Variants in GRM6 observed in about 807,000 individuals in gnomAD.
GRM6 encodes glutamate metabotropic receptor 6, also known as metabotropic glutamate receptor 6.
GRM6 carries 73 observed loss-of-function variants against 78.4 expected under a neutral mutation model. The ratio of observed to expected loss-of-function variants is 0.93; its 90% confidence interval spans 0.77 to 1.13. The LOEUF is 1.13. Ranked by LOEUF, GRM6 falls within the 50% of genes most tolerant of loss-of-function variation. GRM6 has a pLI of 0.00. For missense variants in GRM6, 1,251 were observed against 1,256.4 expected (o/e 1.00, Z 0.07); for synonymous variants, 580 against 555.0 (o/e 1.05, Z -0.63).
chr5:178,980,245 A>T lies in GRM6; in HGVS notation c.*1412T>A, dbSNP rs1317565355. On this transcript the variant is annotated 3_prime_UTR_variant, in exon 11 of 11. Transcript: ENST00000517717. This position sits in a 1 kb window ranked among gnomAD's most constrained non-coding sequence, Gnocchi z 4.3. ...TAGAGAATGTATACTGATCTTAAAC[A>T]GTGGTCAATTTAACAAATGTAAATT... 6.8e-6 allele frequency: 1 copy of T among 146,782 alleles called. No individual in the cohort carries two copies. 9.1% of individuals were successfully genotyped at this position (146,782 alleles called of 1,614,324 possible). A position where few individuals can be genotyped will look rare whatever the true frequency, so the allele number is the denominator to read the frequency against.
At position 178,991,799 on chromosome 5, in the gene GRM6, C is replaced by T. The variant is rs1760680258; in HGVS notation, c.721+68G>A. 2 of 1,373,150 alleles carry T rather than the reference C, an allele frequency of 1.5e-6. No individual in the cohort carries two copies. Among genetic ancestry groups the T allele is most frequent in the Non-Finnish European group, 2.1e-6 (2 of 970,808 alleles). The allele number at this position is 1,373,150 out of a possible 1,614,324, so 85.1% of individuals were successfully genotyped here. A position where few individuals can be genotyped will look rare whatever the true frequency, so the allele number is the denominator to read the frequency against. On this transcript the variant is annotated intron_variant, in intron 3 of 10. Transcript: ENST00000517717. The surrounding 1 kb of genome is among the most constrained non-coding windows in gnomAD (Gnocchi z 5.0). ...ACCTGGGCCCCCCATCTTTCTGCTTCTGCCCCAACTGAGGGCCCCGGGCCC... is the reference window on the plus strand; with the variant it reads ...ACCTGGGCCCCCCATCTTTCTGCTTTTGCCCCAACTGAGGGCCCCGGGCCC...
In GRM6 at chr5:178,986,997, C is replaced by A. The variant is rs1200264989; in HGVS notation, c.1355-14G>T. Reference sequence around the variant, plus strand: ...TTCCTGCGCTGCCTGGAGAGAGAGTCCGTCATCCTCGGTGGTCCTCCAGCC... The same window carrying A: ...TTCCTGCGCTGCCTGGAGAGAGAGTACGTCATCCTCGGTGGTCCTCCAGCC... On this transcript the variant is annotated splice_polypyrimidine_tract_variant and intron_variant, in intron 7 of 10. Coordinates refer to ENST00000517717, the MANE Select transcript of GRM6 (RefSeq NM_000843.4). 6.2e-7 allele frequency: 1 copy of A among 1,611,994 alleles called. No homozygotes were observed. The highest frequency in any genetic ancestry group is 8.5e-7 in the Non-Finnish European group (1 of 1,179,140).
intron 9 of GRM6, among the ~76,000 whole-genome samples, chr5:178,985,469 C>A (rs112096413): frequency 8.6e-5 from 13 of 151,324 alleles, no homozygotes; most frequent in Admixed American, 3.3e-4. Flanking sequence ...TTTGGGAGGC[C>A]GAGGTGGGCG....
In GRM6 at chr5:178,986,367, G is replaced by A. The variant is rs62638216; in HGVS notation, c.1887C>T (p.Thr629=). Residue 629 remains threonine, a synonymous_variant, in exon 9 of 11, where the codon ACC becomes ACT. Coordinates refer to ENST00000517717, the MANE Select transcript of GRM6 (RefSeq NM_000843.4). The part of the protein sequence containing the change: ...SGRELSYVLL[T]GIFLIYAITF... Reference sequence around the variant, plus strand: ...TGATGGCGTAGATGAGGAAGATGCCGGTGAGGAGGACGTAGCTGAGCTCTC... The same window carrying A: ...TGATGGCGTAGATGAGGAAGATGCCAGTGAGGAGGACGTAGCTGAGCTCTC... 2.5e-4 allele frequency: 397 copies of A among 1,614,100 alleles called. 2 individuals are homozygous for A. The highest frequency in any genetic ancestry group is 8.8e-4 in the South Asian group (80 of 91,086).
rs1196615449 is a variant in GRM6, at chr5:178,986,332, A to C, written c.1922T>G (p.Met641Arg). 1 of 1,614,148 alleles carries C rather than the reference A, an allele frequency of 6.2e-7. No individual in the cohort carries two copies. The highest frequency in any genetic ancestry group is 2.2e-5 in the East Asian group (1 of 44,874). Residue 641 changes from methionine (M) to arginine (R), a missense_variant, in exon 9 of 11, where the codon ATG becomes AGG. Met to Arg is a moderately conservative substitution (Grantham distance 91, BLOSUM62 -1). Coordinates refer to ENST00000517717, the MANE Select transcript of GRM6 (RefSeq NM_000843.4). ...IFLIYAITFL[M>R]VAEPGAAVCA... The stretch of plus-strand genomic sequence containing the variant: ...GACCGCGGCCCCAGGCTCAGCCACC[A>C]TGAGGAAGGTGATGGCGTAGATGAG...
At chr5:178,993,326 G>A (rs1048127717) in intron 2 of GRM6, among the ~76,000 whole-genome samples, 3 of 152,134 alleles carry the variant, frequency 2.0e-5, no homozygotes, top group Non-Finnish European at 2.9e-5. Flanking sequence ...TCGACCTAGA[G>A]GACAGAGACA....
chr5:178,982,745 C>T lies in GRM6; in HGVS notation c.2436+165G>A, dbSNP rs1760423443. The T allele has an allele frequency of 4.8e-6, 3 of 622,376 alleles. No homozygotes were observed. In the East Asian group the frequency reaches 8.3e-5, roughly 17 times the overall value. 38.6% of individuals were successfully genotyped at this position (622,376 alleles called of 1,614,324 possible). A position where few individuals can be genotyped will look rare whatever the true frequency, so the allele number is the denominator to read the frequency against. ...GGAAGTTAAGAAGAGGGGTTAGAAG[C>T]TTGGAAAAGTGAATGAATGAACAAA... On this transcript the variant is annotated intron_variant, in intron 10 of 10. Transcript: ENST00000517717.
Position 178,992,162 on chromosome 5 carries a change from A to G in GRM6, c.505-79T>C, listed in dbSNP as rs903073855. 1 of 931,660 alleles carries G rather than the reference A, an allele frequency of 1.1e-6. No homozygotes were observed. Among genetic ancestry groups the G allele is most frequent in the Non-Finnish European group, 1.7e-6 (1 of 583,644 alleles). The allele number at this position is 931,660 out of a possible 1,614,324, so 57.7% of individuals were successfully genotyped here. On this transcript the variant is annotated intron_variant, in intron 2 of 10. Coordinates refer to ENST00000517717, the MANE Select transcript of GRM6 (RefSeq NM_000843.4). The surrounding 1 kb of genome is among the most constrained non-coding windows in gnomAD (Gnocchi z 4.9). ...AGGGAGGGTAAGGGGGGCCCAGGACACGGACGGGGCACAGAAGGTGTGTGG... is the reference window on the plus strand; with the variant it reads ...AGGGAGGGTAAGGGGGGCCCAGGACGCGGACGGGGCACAGAAGGTGTGTGG...
At chr5:178,985,460 T>C (rs1188421223) in intron 9 of GRM6, among the ~76,000 whole-genome samples, 1 of 150,852 alleles carries the variant, frequency 6.6e-6, no homozygotes, top group African/African-American at 2.4e-5. Flanking sequence ...TCCCAGCACT[T>C]TGGGAGGCCG....
Position 178,994,593 on chromosome 5 carries a change from G to T in GRM6, c.352C>A (p.Arg118Ser), listed in dbSNP as rs62638201. 2,602 of 1,354,728 alleles carry T rather than the reference G, an allele frequency of 1.9e-3. 51 individuals carry two copies. The African/African-American group carries it at 0.036, about 19-fold the overall frequency. The allele number at this position is 1,354,728 out of a possible 1,614,324, so 83.9% of individuals were successfully genotyped here. ...ACCTCGTCGCCGTCGCCGCGGCCGC[G>T]GATCAGCGCCTGCACGAAGCTCAGC... The part of the protein sequence containing the change: ...QALSFVQALI[R>S]GRGDGDEVGV... Residue 118 changes from arginine to serine, a missense_variant, in exon 2 of 11, where the codon CGC becomes AGC. Arg to Ser is a moderately radical substitution (Grantham distance 110, BLOSUM62 -1). Coordinates refer to ENST00000517717, the MANE Select transcript of GRM6 (RefSeq NM_000843.4).
intron 2 of GRM6, among the ~76,000 whole-genome samples, chr5:178,993,215 C>T (rs532724641): frequency 6.6e-6 from 1 of 152,216 alleles, no homozygotes; most frequent in African/African-American, 2.4e-5. Flanking sequence ...CAACCTCAAT[C>T]TGGGCTGAGC....
At position 178,981,651 on chromosome 5, in the gene GRM6, G is replaced by T; in HGVS notation, c.*6C>A. The T allele has an allele frequency of 6.2e-7, 1 of 1,610,196 alleles. No individual in the cohort carries two copies. The highest frequency in any genetic ancestry group is 8.5e-7 in the Non-Finnish European group (1 of 1,176,436). On this transcript the variant is annotated 3_prime_UTR_variant, in exon 11 of 11. Transcript: ENST00000517717. This position sits in a 1 kb window ranked among gnomAD's most constrained non-coding sequence, Gnocchi z 5.1. ...GCAGCAAGCAGTCCCGTTCCCACCT[G>T]CCCTGCTACTTGTGGGCCTCTGCAT... is the stretch of plus-strand genomic sequence containing the variant.
At chr5:178,985,358 C>A in intron 9 of GRM6, 1 of 416,676 alleles carries the variant, frequency 2.4e-6, no homozygotes, top group Non-Finnish European at 4.7e-6. Context: ...GCGGCCCTAA[C>A]TGAGCTGCTG....
rs1760604400 is a variant in GRM6, at chr5:178,988,196, G to C, written c.1354+739C>G. Among the ~76,000 whole-genome samples, 1 of 152,212 alleles carries C rather than the reference G, an allele frequency of 6.6e-6. No homozygotes were observed. Among genetic ancestry groups the C allele is most frequent in the Admixed American group, 6.5e-5 (1 of 15,280 alleles). On this transcript the variant is annotated intron_variant, in intron 7 of 10. Coordinates refer to ENST00000517717, the MANE Select transcript of GRM6 (RefSeq NM_000843.4). The surrounding 1 kb of genome is among the most constrained non-coding windows in gnomAD (Gnocchi z 6.0). ...GCGAGAGGATGAGTTCAGACACGGA[G>C]AGAGGTCTGAGTGACAGTATGAAAT...
intron 9 of GRM6, chr5:178,985,635 A>G (rs141019077): frequency 0.074 from 27,775 of 374,206 alleles, 1,189 homozygotes; most frequent in Non-Finnish European, 0.094. Flanking sequence ...CCCGGAAGGC[A>G]GAGCTTGCAG....
rs1268993874 is a variant in GRM6, at chr5:178,994,838, G to A, written c.107C>T (p.Ala36Val). 1 of 1,227,664 alleles carries A rather than the reference G, an allele frequency of 8.1e-7. No homozygotes were observed. The highest frequency in any genetic ancestry group is 1.0e-6 in the Non-Finnish European group (1 of 985,570). 76.0% of individuals were successfully genotyped at this position (1,227,664 alleles called of 1,614,324 possible). The change falls in exon 2 of 11, where the codon GCG (alanine) becomes GTG (valine). Residue 36 changes from alanine to valine, a missense_variant. Physicochemically the swap from Ala to Val is moderately conservative, Grantham distance 64 (BLOSUM62 0). Transcript: ENST00000517717. ...LARAAGSVRL[A>V]GGLTLGGLFP... is the part of the protein sequence containing the mutation. ...CAGGCCGCCCAGCGTCAGGCCGCCC[G>A]CCAGGCGCACAGAGCCCGCCGCGCG...
chr5:178,993,803 G>A lies in GRM6; in HGVS notation c.504+638C>T, dbSNP rs149079961. Among the ~76,000 whole-genome samples the A allele has an allele frequency of 6.8e-4, 104 of 152,296 alleles. 1 individual carries two copies. Among genetic ancestry groups the A allele is most frequent in the African/African-American group, 2.3e-3 (95 of 41,580 alleles). ...ACAGTTCCCTACATTTGAGGACAGA[G>A]CAGGGCCAGCCCGGGCACCTGCGCA... On this transcript the variant is annotated intron_variant, in intron 2 of 10. Transcript: ENST00000517717.
rs761575859 is a variant in GRM6, at chr5:178,990,598, T to C, written c.1006A>G (p.Ile336Val). The change falls in exon 5 of 11, where the codon ATC (isoleucine) becomes GTC (valine). Residue 336 changes from isoleucine (I) to valine (V), a missense_variant. Transcript: ENST00000517717. Reference protein sequence around the residue: ...AITILPKRASIDGFDQYFMTR... With the variant: ...AITILPKRASVDGFDQYFMTR... ...GGAGTGCCCCTGGACTCACCGTCGA[T>C]GGAGGCCCTTTTGGGCAGGATGGTG... 2 of 1,612,764 alleles carry C rather than the reference T, an allele frequency of 1.2e-6. No homozygotes were observed. The highest frequency in any genetic ancestry group is 1.1e-5 in the South Asian group (1 of 91,038).
chr5:178,995,040 C>T (rs1401283606), intron 1 of GRM6, 80 bp from the exon 2 acceptor site: 2 of 812,890 alleles, frequency 2.5e-6, no homozygotes, highest in Non-Finnish European at 3.0e-6. Context: ...GGAGGGACAC[C>T]GGGGTCCTGG....
Sources: gnomAD v4.1 joint callset for allele counts (sites outside exome capture counted in the v4.1 genomes callset) on GRCh38, gnomAD v4.1.1 for gene constraint, Gnocchi (gnomAD v3.1) non-coding constraint, MANE v1.5 for transcripts, NCBI Gene and HGNC (gene_info 2026-07-23, HGNC 2026-07-21) for gene names.